The following SHROOM4 variants were observed in gnomAD, a reference collection of about 807,000 sequenced individuals.
SHROOM4 encodes the protein shroom family member 4.
SHROOM4 carries 17 observed loss-of-function variants against 80.3 expected under a neutral mutation model. The observed-to-expected ratio is 0.21, with a 90% CI of 0.14 to 0.32. SHROOM4 has a LOEUF of 0.32. Ranked by LOEUF, SHROOM4 falls within the 10% of genes least tolerant of loss-of-function variation. The pLI is 1.00. For missense variants in SHROOM4, 993 were observed against 1,140.3 expected (o/e 0.87, Z 1.86); for synonymous variants, 400 against 437.5 (o/e 0.91, Z 1.07).
chrX:50,811,249 G>A (rs1314085328), intron 1 of SHROOM4, among the ~76,000 whole-genome samples: 1 of 110,939 alleles, frequency 9.0e-6, no homozygotes, highest in Non-Finnish European at 1.9e-5. Context: ...ACAGGATGCA[G>A]TGAGCCGAGC....
At chrX:50,578,294 T>A in the SHROOM4 span, among the ~76,000 whole-genome samples, 1 of 109,999 alleles carries the variant, frequency 9.1e-6, no homozygotes, top group African/African-American at 3.4e-5. Flanking sequence ...ATTTTTAAAT[T>A]AATTAATTTA....
At chrX:50,656,803 G>C (rs1267028081) in intron 2 of SHROOM4, among the ~76,000 whole-genome samples, 1 of 110,371 alleles carries the variant, frequency 9.1e-6, no homozygotes, top group Non-Finnish European at 1.9e-5. Flanking sequence ...AATTTTGATA[G>C]AGATTGCATT....
intron 1 of SHROOM4, among the ~76,000 whole-genome samples, chrX:50,731,090 T>C (rs782817593): frequency 4.5e-5 from 5 of 111,460 alleles, no homozygotes; most frequent in Admixed American, 3.8e-4. Flanking sequence ...GATTGAGTTC[T>C]GGCATTACAA....
At chrX:50,580,292 T>C in the SHROOM4 span, among the ~76,000 whole-genome samples, 3 of 112,107 alleles carry the variant, frequency 2.7e-5, no homozygotes, top group African/African-American at 9.7e-5. Context: ...GCTGATTTAG[T>C]AGGTCTGAGT....
At chrX:50,775,096 C>T (rs1557270004) in intron 1 of SHROOM4, among the ~76,000 whole-genome samples, 2 of 111,728 alleles carry the variant, frequency 1.8e-5, no homozygotes, top group Non-Finnish European at 3.8e-5. Flanking sequence ...CCAACACCCT[C>T]CTGATGCTGC....
chrX:50,581,544 C>T, the SHROOM4 span, among the ~76,000 whole-genome samples: 1 of 111,619 alleles, frequency 9.0e-6, no homozygotes, highest in East Asian at 2.8e-4. Context: ...CCCTGACTTG[C>T]TGGCCCTACT....
intron 4 of SHROOM4, among the ~76,000 whole-genome samples, chrX:50,631,905 C>G (rs1258552169): frequency 9.0e-6 from 1 of 111,565 alleles, no homozygotes; most frequent in African/African-American, 3.3e-5. Flanking sequence ...AAGTTGAATA[C>G]AGCAGTATAC....
At chrX:50,654,226 G>T (rs1557259252) in intron 2 of SHROOM4, among the ~76,000 whole-genome samples, 1 of 111,510 alleles carries the variant, frequency 9.0e-6, no homozygotes, top group Non-Finnish European at 1.9e-5. Flanking sequence ...CCCTTGTCAG[G>T]GGGAGATAAG....
intron 5 of SHROOM4, among the ~76,000 whole-genome samples, chrX:50,610,378 A>ACACACACACG (rs2147238044): frequency 9.1e-6 from 1 of 110,390 alleles, no homozygotes; most frequent in South Asian, 3.9e-4. Flanking sequence ...ACACACACAC[A>ACACACACACG]CACACAGTGA....
intron 2 of SHROOM4, among the ~76,000 whole-genome samples, chrX:50,694,993 C>T (rs1272887579): frequency 9.1e-6 from 1 of 109,908 alleles, no homozygotes; most frequent in Non-Finnish European, 1.9e-5. Flanking sequence ...AAAGCAAAGG[C>T]GCAGCAGCAA....
Position 50,635,546 on chromosome X carries a change from G to C in SHROOM4, c.527C>G (p.Pro176Arg), listed in dbSNP as rs782651628. The change falls in exon 4 of 9, where the codon CCT becomes CGT. Residue 176 changes from proline (P) to arginine (R), a missense_variant. Physicochemically the swap from Pro to Arg is moderately radical, Grantham distance 103 (BLOSUM62 -2). Transcript: ENST00000376020. ...GTTAGGGTACATGTTCTGGTCAATA[G>C]GCAACAGATGGCTCTCATAGGTGGC... Reference protein sequence around the residue: ...GQATYESHLLPIDQNMYPNQR... With the variant: ...GQATYESHLLRIDQNMYPNQR... The C allele has an allele frequency of 2.5e-6, 3 of 1,208,360 alleles. No individual in the cohort carries two copies. In the African/African-American group the frequency reaches 5.3e-5, roughly 21 times the overall value.
At chrX:50,734,200 T>C (rs1470505346) in intron 1 of SHROOM4, among the ~76,000 whole-genome samples, 2 of 111,870 alleles carry the variant, frequency 1.8e-5, no homozygotes, top group Non-Finnish European at 3.8e-5. Context: ...CTTCCCAAAC[T>C]GAGCTATACA....
chrX:50,795,101 GAT>G lies in SHROOM4; in HGVS notation c.117+18799_117+18800del, dbSNP rs782727726. 2.8e-3 allele frequency among the ~76,000 whole-genome samples: 119 copies of G among 42,629 alleles called. 10 individuals carry two copies. The highest frequency in any genetic ancestry group is 0.012 in the Middle Eastern group (1 of 81). 37.0% of individuals were successfully genotyped at this position (42,629 alleles called of 115,157 possible). A position where few individuals can be genotyped will look rare whatever the true frequency, so the allele number is the denominator to read the frequency against. ...ATATATATATATGATATATATATAT[GAT>G]ATATATATATGATATATATATATGA... On this transcript the variant is annotated intron_variant, in intron 1 of 8. Transcript: ENST00000376020.
chrX:50,690,903 G>T (rs1933201491), intron 2 of SHROOM4, among the ~76,000 whole-genome samples: 1 of 112,463 alleles, frequency 8.9e-6, no homozygotes, highest in African/African-American at 3.2e-5. Context: ...GGAGGCGGAG[G>T]TTATAGTGAG....
At chrX:50,620,846 C>T (rs1192966196) in intron 5 of SHROOM4, among the ~76,000 whole-genome samples, 1 of 111,350 alleles carries the variant, frequency 9.0e-6, no homozygotes, top group African/African-American at 3.3e-5. Context: ...TGCCCACTTA[C>T]GAAGCTAAAT....
chrX:50,611,136 C>CTTTTTTTTTT (rs1432209307), intron 5 of SHROOM4, among the ~76,000 whole-genome samples: 1 of 72,915 alleles, frequency 1.4e-5, no homozygotes, highest in Admixed American at 1.5e-4. Context: ...ACCATATTTT[C>CTTTTTTTTTT]TTTTTTTCTT....
chrX:50,577,326 T>C, the SHROOM4 span, among the ~76,000 whole-genome samples: 1,105 of 113,191 alleles, frequency 9.8e-3, 6 homozygotes, highest in Middle Eastern at 0.018. Flanking sequence ...CACTATTCTA[T>C]GTTTTATTTT....
At chrX:50,811,640 A>C (rs1323114756) in intron 1 of SHROOM4, among the ~76,000 whole-genome samples, 1 of 111,828 alleles carries the variant, frequency 8.9e-6, no homozygotes, top group Non-Finnish European at 1.9e-5. Flanking sequence ...AATATGCCAA[A>C]ACAGTGTCTT....
At chrX:50,618,852 T>A (rs951333069) in intron 5 of SHROOM4, among the ~76,000 whole-genome samples, 1 of 112,304 alleles carries the variant, frequency 8.9e-6, no homozygotes, top group Non-Finnish European at 1.9e-5. Flanking sequence ...TGTCCAGACC[T>A]GCCTTGTCTG....
Sources: gnomAD v4.1 joint callset for allele counts (sites outside exome capture counted in the v4.1 genomes callset) on GRCh38, gnomAD v4.1.1 for gene constraint, MANE v1.5 for transcripts, NCBI Gene and HGNC (gene_info 2026-07-23, HGNC 2026-07-21) for gene names.